Variants in PIGT observed in about 807,000 individuals in gnomAD.
PIGT encodes GPI-anchor transamidase component PIGT.
PIGT carries 57 observed loss-of-function variants against 66.7 expected under a neutral mutation model. The ratio of observed to expected loss-of-function variants is 0.86; its 90% CI spans 0.69 to 1.07. PIGT has a LOEUF of 1.07. Ranked by LOEUF, PIGT falls within the 50% of genes least tolerant of loss-of-function variation. The pLI, the probability that PIGT is intolerant of heterozygous loss-of-function variation, is 0.00. For synonymous variants in PIGT, 362 were observed against 320.5 expected (o/e 1.13, Z -1.38); for missense variants, 725 against 740.4 (o/e 0.98, Z 0.24).
Position 45,426,155 on chromosome 20 carries a change from C to A in PIGT, c.*329C>A. The A allele has an allele frequency of 2.5e-6, 1 of 394,734 alleles. No homozygotes were observed. The highest frequency in any genetic ancestry group is 4.7e-6 in the Non-Finnish European group (1 of 213,988). The allele number at this position is 394,734 out of a possible 1,614,324, so 24.5% of individuals were successfully genotyped here. On this transcript the variant is annotated 3_prime_UTR_variant, in exon 12 of 12. Transcript: ENST00000279036. ...AGAAAGGTCGGCTGGCAGCACTGGCCAAGGTGATGGGGTGTGCTACACAGT... is the reference window on the plus strand; with the variant it reads ...AGAAAGGTCGGCTGGCAGCACTGGCAAAGGTGATGGGGTGTGCTACACAGT...
At chr20:45,419,680 T>C in intron 5 of PIGT, 90 bp downstream of exon 5, 1 of 889,976 alleles carries the variant, frequency 1.1e-6, no homozygotes, top group Non-Finnish European at 1.9e-6. Context: ...TCAGGCTGAG[T>C]GAGTACTGAG....
chr20:45,416,217 T>C lies in PIGT; in HGVS notation c.61T>C (p.Cys21Arg). The C allele has an allele frequency of 6.3e-7, 1 of 1,594,708 alleles. No individual in the cohort carries two copies. Among genetic ancestry groups the C allele is most frequent in the Non-Finnish European group, 8.5e-7 (1 of 1,171,546 alleles). ...VLLLLGPGGWCLAEPPRDSLR... is the reference protein window; with the variant it reads ...VLLLLGPGGWRLAEPPRDSLR... ...GTTGCTCCTGGGGCCCGGCGGCTGG[T>C]GCCTTGCAGAACCCCCACGCGACAG... is the stretch of plus-strand genomic sequence containing the variant. The change falls in exon 1 of 12, where the codon TGC becomes CGC. Residue 21 changes from cysteine to arginine, a missense_variant. By Grantham distance (180) the Cys-to-Arg change is radical. Around this residue, in one of 3 missense-constraint regions of PIGT, gnomAD observed 559 missense variants for 552.7 expected, o/e 1.01. Transcript: ENST00000279036.
chr20:45,420,104 C>T, intron 5 of PIGT, 32 bp from the exon 6 acceptor site: 1 of 1,486,702 alleles, frequency 6.7e-7, no homozygotes, highest in Non-Finnish European at 9.3e-7. Flanking sequence ...GAGTGATACC[C>T]CCTCACTGCT....
intron 2 of PIGT, chr20:45,417,630 A>G (rs1291630562): frequency 1.3e-5 from 2 of 152,238 alleles, no homozygotes; most frequent in African/African-American, 2.4e-5. Flanking sequence ...ACCTGGCCTC[A>G]TTTTTCAAGA....
chr20:45,418,737 C>G (rs1990146541), intron 2 of PIGT, 115 bp from the exon 3 acceptor site: 1 of 1,335,484 alleles, frequency 7.5e-7, no homozygotes, highest in Non-Finnish European at 1.1e-6. Context: ...ACTGGCCCGT[C>G]TAATAGTTAA....
At position 45,419,356 on chromosome 20, in the gene PIGT, C is replaced by T. The variant is rs756580434; in HGVS notation, c.555C>T (p.Asn185=). Residue 185 remains asparagine (N), a synonymous_variant, in exon 4 of 12, where the codon AAC becomes AAT. Transcript: ENST00000279036. ...VLPREVVCTE[N]LTPWKKLLPC... is the part of the protein sequence containing the mutation. ...CGCGGGAGGTGGTCTGCACCGAAAACCTCACCCCCTGGAAGAAGCTCTTGC... is the reference window on the plus strand; with the variant it reads ...CGCGGGAGGTGGTCTGCACCGAAAATCTCACCCCCTGGAAGAAGCTCTTGC... 2.5e-6 allele frequency: 4 copies of T among 1,613,978 alleles called. No homozygotes were observed. The East Asian group carries it at 6.7e-5, about 27-fold the overall frequency.
At chr20:45,420,976 T>C in intron 8 of PIGT, 4 of 540,262 alleles carry the variant, frequency 7.4e-6, no homozygotes, top group South Asian at 6.5e-5. Flanking sequence ...CCAAATACTT[T>C]TGAATTCATA....
At chr20:45,425,101 G>A (rs1263333676) in intron 11 of PIGT, 1 of 156,760 alleles carries the variant, frequency 6.4e-6, no homozygotes, top group Non-Finnish European at 1.4e-5. Flanking sequence ...CTCAACACCA[G>A]GCGTCTCTCT....
intron 8 of PIGT, chr20:45,420,945 T>A: frequency 1.8e-6 from 1 of 570,510 alleles, no homozygotes; most frequent in Non-Finnish European, 3.1e-6. Context: ...ATGGAGTTAG[T>A]TCATGCATTT....
chr20:45,424,222 TC>T lies in PIGT; in HGVS notation c.1243del (p.His415ThrfsTer17). ...TGACCTTGCATGTCTCCAGGTTACA[TC>T]CACTACCAGCCTGCCCAGGACCGGC... ...SKGKENKPSY[I>X]HYQPAQDRLQ... On this transcript the variant is annotated frameshift_variant, in exon 10 of 12. Coordinates refer to ENST00000279036, the MANE Select transcript of PIGT (RefSeq NM_015937.6). LOFTEE classifies it high-confidence loss of function. 1 of 1,614,074 alleles carries T rather than the reference TC, an allele frequency of 6.2e-7. No homozygotes were observed. Among genetic ancestry groups the T allele is most frequent in the Non-Finnish European group, 8.5e-7 (1 of 1,179,976 alleles).
rs768512053 is a variant in PIGT at position 45,424,290 on chromosome 20, A to C, written c.1309A>C (p.Asn437His). ...GGAGATGCTGATTCAGCTGCCGGCC[A>C]ACTCAGTCACCAAGGTTTCCATCCA... ...LLEMLIQLPA[N>H]SVTKVSIQFE... Residue 437 changes from asparagine to histidine, a missense_variant, in exon 10 of 12, where the codon AAC (asparagine) becomes CAC (histidine). Physicochemically the swap from Asn to His is moderately conservative, Grantham distance 68. Coordinates refer to ENST00000279036, the MANE Select transcript of PIGT (RefSeq NM_015937.6). 3.1e-6 allele frequency: 5 copies of C among 1,614,176 alleles called. No individual in the cohort carries two copies.
chr20:45,421,144 G>A, intron 8 of PIGT: 1 of 566,670 alleles, frequency 1.8e-6, no homozygotes, highest in South Asian at 2.2e-5. Flanking sequence ...CCTGGATTGG[G>A]TTCGAAGGGG....
At chr20:45,419,025 C>T (rs752369749) in intron 3 of PIGT, 46 bp downstream of exon 3, 1 of 1,612,068 alleles carries the variant, frequency 6.2e-7, no homozygotes, top group South Asian at 1.1e-5. Context: ...TTACCTCCTG[C>T]CCAAACCTTT....
At chr20:45,416,430 G>A (rs1989978050) in intron 1 of PIGT, 87 bp downstream of exon 1, 2 of 1,560,052 alleles carry the variant, frequency 1.3e-6, no homozygotes, top group Non-Finnish European at 1.7e-6. Context: ...TTTGGGGGCG[G>A]GGCCTAATTC....
rs908565781 is a variant in PIGT at position 45,416,150 on chromosome 20, C to T, written c.-7C>T. Reference sequence around the variant, plus strand: ...GCGCCGCTGGGTAGGCGGAAGTAGCCGCAGGCATGGCGGCGGCTATGCCGC... The same window carrying T: ...GCGCCGCTGGGTAGGCGGAAGTAGCTGCAGGCATGGCGGCGGCTATGCCGC... On this transcript the variant is annotated 5_prime_UTR_variant, in exon 1 of 12. Coordinates refer to ENST00000279036, the MANE Select transcript of PIGT (RefSeq NM_015937.6). The T allele has an allele frequency of 3.9e-6, 6 of 1,550,826 alleles. No homozygotes were observed. In the African/African-American group the frequency reaches 4.1e-5, roughly 11 times the overall value.
At chr20:45,424,718 T>TA (rs768633321) in intron 11 of PIGT, 139 bp downstream of exon 11, 1 of 644,156 alleles carries the variant, frequency 1.6e-6, no homozygotes, top group Non-Finnish European at 2.8e-6. Context: ...TCAATCCTAA[T>TA]AAAAATCCTG....
At chr20:45,416,399 G>C in intron 1 of PIGT, 56 bp downstream of exon 1, 1 of 1,548,782 alleles carries the variant, frequency 6.5e-7, no homozygotes, top group East Asian at 2.3e-5. Context: ...CTGGCTGGCC[G>C]GCCGTGGGAT....
chr20:45,419,957 T>C, intron 5 of PIGT, 179 bp from the exon 6 acceptor site: 1 of 611,188 alleles, frequency 1.6e-6, no homozygotes, highest in South Asian at 1.9e-5. Flanking sequence ...ATCAAACTGA[T>C]GCACATACAG....
At chr20:45,421,617 C>A (rs974613670) in intron 9 of PIGT, 34 bp downstream of exon 9, 1 of 1,583,142 alleles carries the variant, frequency 6.3e-7, no homozygotes, top group Admixed American at 1.7e-5. Flanking sequence ...GGCCCCCAGC[C>A]CGCCCTCTCA....
Sources: allele counts gnomAD v4.1 joint callset, GRCh38; gene constraint gnomAD v4.1.1; regional missense constraint gnomAD v4.1.1; transcripts MANE v1.5; gene names NCBI Gene and HGNC (gene_info 2026-07-23, HGNC 2026-07-21).